The following DSG2 variants were observed in gnomAD, a reference collection of about 807,000 sequenced individuals.
The protein encoded by DSG2 is desmoglein-2.
A neutral mutation model predicts 75.6 loss-of-function variants in DSG2; 45 were observed. That is an observed-to-expected ratio of 0.60 (90% confidence interval 0.47 to 0.76). The LOEUF is 0.76. Ranked by LOEUF, DSG2 falls within the 30% of genes least tolerant of loss-of-function variation. DSG2 has a pLI of 0.00. For synonymous variants in DSG2, 429 were observed against 483.9 expected (o/e 0.89, Z 1.49); for missense variants, 1,267 against 1,357.4 (o/e 0.93, Z 1.05).
At chr18:31,526,029 A>G (rs1033385412) in intron 8 of DSG2, among the ~76,000 whole-genome samples, 56 of 152,150 alleles carry the variant, frequency 3.7e-4, no homozygotes, top group African/African-American at 1.3e-3. Context: ...CTGTAATTCC[A>G]GCTTCTCAGG....
intron 8 of DSG2, among the ~76,000 whole-genome samples, chr18:31,527,356 C>G (rs1363010783): frequency 3.3e-5 from 5 of 152,246 alleles, no homozygotes; most frequent in African/African-American, 1.2e-4. Context: ...AATTGCCTAA[C>G]TGCATTTCTC....
Position 31,518,149 on chromosome 18 carries a change from A to G in DSG2, c.46-90A>G, listed in dbSNP as rs957006167. 7 of 1,048,592 alleles carry G rather than the reference A, an allele frequency of 6.7e-6. No homozygotes were observed. In the Admixed American group the frequency reaches 1.3e-4, roughly 19 times the overall value. 65.0% of individuals were successfully genotyped at this position (1,048,592 alleles called of 1,614,324 possible). On this transcript the variant is annotated intron_variant, in intron 1 of 14. Coordinates refer to ENST00000261590, the MANE Select transcript of DSG2 (RefSeq NM_001943.5). ...TGGTTAAACTTTTTTTATGTCTATA[A>G]TATTCAATGCAGTAGGTTATTCATG... is the stretch of plus-strand genomic sequence containing the variant.
rs1173265371 is a variant in DSG2 at position 31,518,253 on chromosome 18, T to C, written c.60T>C (p.Val20=). 7 of 1,613,356 alleles carry C rather than the reference T, an allele frequency of 4.3e-6. No homozygotes were observed. The highest frequency in any genetic ancestry group is 2.5e-6 in the Non-Finnish European group (3 of 1,179,324). ...TTATTTTACAGATCTGCTTTAACGT[T>C]GGAAGTGGACTTCACTTACAGGTGA... is the stretch of plus-strand genomic sequence containing the variant. The part of the protein sequence containing the change: ...ALLLLLICFN[V]GSGLHLQVLS... Residue 20 remains valine (V), a synonymous_variant, in exon 2 of 15, where the codon GTT becomes GTC. Coordinates refer to ENST00000261590, the MANE Select transcript of DSG2 (RefSeq NM_001943.5).
chr18:31,540,474 C>G (rs16962077), intron 12 of DSG2, among the ~76,000 whole-genome samples: 33,221 of 152,146 alleles, frequency 0.22, 4,410 homozygotes, highest in East Asian at 0.46. Flanking sequence ...TTCCCTGGAG[C>G]CTAATGTGGT....
In DSG2 at chr18:31,498,297, G is replaced by C. The variant is rs1568098570; in HGVS notation, c.45+1G>C. ...CGCGTACGCCCTGCTGCTTCTCCTG[G>C]TAAGTGCCGCAAGCGGGACAGGGGA... On this transcript the variant is annotated splice_donor_variant, in intron 1 of 14. Coordinates refer to ENST00000261590, the MANE Select transcript of DSG2 (RefSeq NM_001943.5). LOFTEE classifies it high-confidence loss of function. 7.9e-7 allele frequency: 1 copy of C among 1,264,054 alleles called. No homozygotes were observed. Among genetic ancestry groups the C allele is most frequent in the South Asian group, 3.9e-5 (1 of 25,926 alleles). 78.3% of individuals were successfully genotyped at this position (1,264,054 alleles called of 1,614,324 possible).
rs1007136782 is a variant in DSG2, at chr18:31,548,506, G to A, written c.*1763G>A. Reference sequence around the variant, plus strand: ...AGACATCTAAGTCTGTAGCTTAAATGGAGGTTACTCTTCCATCATCTAGAA... The same window carrying A: ...AGACATCTAAGTCTGTAGCTTAAATAGAGGTTACTCTTCCATCATCTAGAA... On this transcript the variant is annotated 3_prime_UTR_variant, in exon 15 of 15. Coordinates refer to ENST00000261590, the MANE Select transcript of DSG2 (RefSeq NM_001943.5). The A allele has an allele frequency of 3.9e-5, 6 of 152,152 alleles. No homozygotes were observed. Among genetic ancestry groups the A allele is most frequent in the African/African-American group, 1.4e-4 (6 of 41,418 alleles). The allele number at this position is 152,152 out of a possible 1,614,324, so 9.4% of individuals were successfully genotyped here. A position where few individuals can be genotyped will look rare whatever the true frequency, so the allele number is the denominator to read the frequency against.
chr18:31,535,754 G>C (rs1453513906), intron 10 of DSG2, among the ~76,000 whole-genome samples: 3 of 150,854 alleles, frequency 2.0e-5, no homozygotes, highest in African/African-American at 7.3e-5. Context: ...CCAGACAAAG[G>C]GAGACTCCAA....
chr18:31,535,193 C>T, intron 9 of DSG2, 77 bp from the exon 10 acceptor site: 1 of 979,834 alleles, frequency 1.0e-6, no homozygotes, highest in South Asian at 1.4e-5. Flanking sequence ...GAAAAGTAAG[C>T]TTGAAAGAGC....
chr18:31,529,035 TAA>T (rs1401219943), intron 8 of DSG2, among the ~76,000 whole-genome samples: 3 of 152,208 alleles, frequency 2.0e-5, no homozygotes, highest in African/African-American at 7.2e-5. Flanking sequence ...CCAAAAAGGA[TAA>T]AGGAGATGAA....
rs1057520867 is a variant in DSG2, at chr18:31,546,442, G to A, written c.3056G>A (p.Arg1019Lys). Residue 1019 changes from arginine to lysine, a missense_variant, in exon 15 of 15, where the codon AGA becomes AAA. By Grantham distance (26) the Arg-to-Lys change is conservative. Coordinates refer to ENST00000261590, the MANE Select transcript of DSG2 (RefSeq NM_001943.5). ...QDVPYVMVRE[R>K]ESFLAPSSGV... ...GTACCTTACGTCATGGTGAGGGAAA[G>A]AGAGAGCTTCCTTGCCCCCAGCTCA... 6.2e-7 allele frequency: 1 copy of A among 1,614,100 alleles called. No homozygotes were observed.
At chr18:31,530,882 C>T (rs2073192419) in intron 8 of DSG2, 105 bp from the exon 9 acceptor site, 1 of 1,134,062 alleles carries the variant, frequency 8.8e-7, no homozygotes, top group Non-Finnish European at 1.3e-6. Context: ...ATTTCCTGTG[C>T]ATTAAATTAT....
intron 14 of DSG2, among the ~76,000 whole-genome samples, chr18:31,543,913 G>A (rs2073287296): frequency 6.8e-6 from 1 of 146,500 alleles, no homozygotes. Flanking sequence ...GTATACTTCA[G>A]AACAAGGAAT....
At chr18:31,538,110 T>TAA (rs34339993) in intron 11 of DSG2, among the ~76,000 whole-genome samples, 4 of 151,806 alleles carry the variant, frequency 2.6e-5, no homozygotes, top group African/African-American at 4.8e-5. Flanking sequence ...TAAGAAACTT[T>TAA]AAAAAAAAGA....
intron 8 of DSG2, among the ~76,000 whole-genome samples, chr18:31,528,726 A>G (rs907020865): frequency 8.6e-5 from 13 of 152,014 alleles, no homozygotes; most frequent in Non-Finnish European, 1.6e-4. Flanking sequence ...AAAAAAAAAA[A>G]AATTTGCTGA....
chr18:31,511,726 CTTCTGATGTTT>C (rs1201918483), intron 1 of DSG2, among the ~76,000 whole-genome samples: 1 of 152,226 alleles, frequency 6.6e-6, no homozygotes, highest in African/African-American at 2.4e-5. Flanking sequence ...CACATCAATT[CTTCTGATGTTT>C]TAGTGTAACA....
intron 1 of DSG2, among the ~76,000 whole-genome samples, chr18:31,505,353 G>A (rs557275785): frequency 1.3e-5 from 2 of 152,124 alleles, no homozygotes; most frequent in South Asian, 2.1e-4. Context: ...TGATTTCCCC[G>A]CAAGGAAGTA....
intron 11 of DSG2, among the ~76,000 whole-genome samples, 173 bp from the exon 12 acceptor site, chr18:31,538,578 A>G (rs1331182997): frequency 6.6e-6 from 1 of 152,222 alleles, no homozygotes; most frequent in Non-Finnish European, 1.5e-5. Context: ...TAAACTGCAT[A>G]TTCAGGGCCT....
At chr18:31,544,302 G>A (rs774785185) in intron 14 of DSG2, among the ~76,000 whole-genome samples, 1 of 151,132 alleles carries the variant, frequency 6.6e-6, no homozygotes, top group African/African-American at 2.4e-5. Context: ...AATGTACTTT[G>A]ATGAAAAAAA....
chr18:31,542,918 T>G lies in DSG2; in HGVS notation c.2334+66T>G, dbSNP rs2073279393. 34 of 1,043,022 alleles carry G rather than the reference T, an allele frequency of 3.3e-5. No homozygotes were observed. The South Asian group carries it at 3.6e-4, about 11-fold the overall frequency. 64.6% of individuals were successfully genotyped at this position (1,043,022 alleles called of 1,614,324 possible). A position where few individuals can be genotyped will look rare whatever the true frequency, so the allele number is the denominator to read the frequency against. ...GAACATTTGTATGTGAATGTGATAT[T>G]ATTAGGGTAATCATTGCCTTGGATC... is the stretch of plus-strand genomic sequence containing the variant. On this transcript the variant is annotated intron_variant, in intron 14 of 14. Transcript: ENST00000261590.
Sources: gnomAD v4.1 joint callset for allele counts (sites outside exome capture counted in the v4.1 genomes callset) on GRCh38, gnomAD v4.1.1 for gene constraint, MANE v1.5 for transcripts, NCBI Gene and HGNC (gene_info 2026-07-23, HGNC 2026-07-21) for gene names.